The following SMOC2 variants were observed in gnomAD, a reference collection of about 807,000 sequenced individuals.
The protein encoded by SMOC2 is SPARC-related modular calcium-binding protein 2.
Under a neutral mutation model 61.4 loss-of-function variants are expected in SMOC2, and 39 were observed. That is an observed-to-expected ratio of 0.64 (90% CI 0.49 to 0.83). SMOC2 has a LOEUF of 0.83. Ranked by LOEUF, SMOC2 falls within the 40% of genes least tolerant of loss-of-function variation. The probability of loss-of-function intolerance (pLI) is 0.00; values close to 1 mark genes in which losing one functional copy is unlikely to be tolerated. For synonymous variants in SMOC2, 247 were observed against 239.9 expected (o/e 1.03, Z -0.27); for missense variants, 556 against 592.9 (o/e 0.94, Z 0.65).
chr6:168,567,908 A>G (rs1307511812), intron 7 of SMOC2, among the ~76,000 whole-genome samples: 1 of 151,502 alleles, frequency 6.6e-6, no homozygotes, highest in East Asian at 1.9e-4. Flanking sequence ...ACAGGCAAAG[A>G]CCGGATGGTG....
At chr6:168,637,917 C>G (rs904621810) in intron 9 of SMOC2, among the ~76,000 whole-genome samples, 41 of 102,168 alleles carry the variant, frequency 4.0e-4, no homozygotes, top group African/African-American at 1.1e-3. Context: ...GTATGCTGAG[C>G]TGGAGCTGGA....
At chr6:168,513,196 C>T (rs1263863789) in intron 2 of SMOC2, among the ~76,000 whole-genome samples, 1 of 152,138 alleles carries the variant, frequency 6.6e-6, no homozygotes, top group Non-Finnish European at 1.5e-5. Flanking sequence ...ATAGAATATA[C>T]CATTTAAAAT....
At chr6:168,487,225 C>G (rs1782357215) in intron 1 of SMOC2, among the ~76,000 whole-genome samples, 1 of 152,188 alleles carries the variant, frequency 6.6e-6, no homozygotes, top group African/African-American at 2.4e-5. Flanking sequence ...TCTACTTTCC[C>G]CTGTGTTCTG....
chr6:168,552,927 G>A (rs898959434), intron 7 of SMOC2, among the ~76,000 whole-genome samples: 10 of 150,542 alleles, frequency 6.6e-5, no homozygotes, highest in Non-Finnish European at 1.2e-4. Context: ...GGTGAGTGAC[G>A]GCACTTGAAA....
At chr6:168,511,607 CAT>C (rs944119068) in intron 2 of SMOC2, among the ~76,000 whole-genome samples, 12 of 152,128 alleles carry the variant, frequency 7.9e-5, no homozygotes, top group Admixed American at 1.3e-4. Flanking sequence ...CATTAAGAAA[CAT>C]GTGACTTTTC....
intron 2 of SMOC2, among the ~76,000 whole-genome samples, chr6:168,518,258 T>C (rs1281814965): frequency 1.3e-5 from 2 of 152,072 alleles, no homozygotes; most frequent in Non-Finnish European, 2.9e-5. Context: ...GGCATTTCCA[T>C]GAAGGAAATC....
Position 168,485,475 on chromosome 6 carries a change from A to G in SMOC2, c.85-24440A>G, listed in dbSNP as rs73272929. 9.2e-3 allele frequency among the ~76,000 whole-genome samples: 1,399 copies of G among 152,344 alleles called. 22 individuals carry two copies. The highest frequency in any genetic ancestry group is 0.032 in the African/African-American group (1,337 of 41,578). On this transcript the variant is annotated intron_variant, in intron 1 of 12. Coordinates refer to ENST00000356284, the MANE Select transcript of SMOC2 (RefSeq NM_001166412.2). Reference sequence around the variant, plus strand: ...GTAAAATGCAGCCTAGTCACACAACAGAATGTTATTTGACCATAAAAAGGA... The same window carrying G: ...GTAAAATGCAGCCTAGTCACACAACGGAATGTTATTTGACCATAAAAAGGA...
intron 1 of SMOC2, among the ~76,000 whole-genome samples, chr6:168,497,173 G>A (rs767031153): frequency 1.3e-5 from 2 of 152,224 alleles, no homozygotes; most frequent in African/African-American, 2.4e-5. Flanking sequence ...GGCAGGGCCC[G>A]GGCCCCAAGC....
chr6:168,583,495 A>C (rs541749289), intron 7 of SMOC2, among the ~76,000 whole-genome samples: 4 of 152,350 alleles, frequency 2.6e-5, no homozygotes, highest in Non-Finnish European at 5.9e-5. Flanking sequence ...TTTGCTTCTC[A>C]GGCATCTGCT....
intron 7 of SMOC2, among the ~76,000 whole-genome samples, chr6:168,569,307 A>G (rs926272011): frequency 2.0e-5 from 3 of 152,156 alleles, no homozygotes; most frequent in Non-Finnish European, 4.4e-5. Context: ...TCATATGCCT[A>G]TTTGGTATCT....
At chr6:168,486,997 T>C (rs946565731) in intron 1 of SMOC2, among the ~76,000 whole-genome samples, 6 of 152,138 alleles carry the variant, frequency 3.9e-5, no homozygotes, top group Admixed American at 3.9e-4. Flanking sequence ...AACCTTTTGG[T>C]GTAATGATGT....
chr6:168,639,734 G>T (rs1786843323), intron 9 of SMOC2, among the ~76,000 whole-genome samples: 1 of 141,038 alleles, frequency 7.1e-6, no homozygotes, highest in East Asian at 2.0e-4. Context: ...CGCCAGGCAG[G>T]TACCTGGGAT....
chr6:168,572,867 C>G lies in SMOC2; in HGVS notation c.637+23664C>G, dbSNP rs564994851. Among the ~76,000 whole-genome samples, 12 of 104,612 alleles carry G rather than the reference C, an allele frequency of 1.1e-4. 1 individual carries two copies. The East Asian group carries it at 3.8e-3, about 33-fold the overall frequency. The allele number at this position is 104,612 out of a possible 152,430, so 68.6% of individuals were successfully genotyped here. A position where few individuals can be genotyped will look rare whatever the true frequency, so the allele number is the denominator to read the frequency against. ...CGCGATGTTCATTTCCTGCCCGCAT[C>G]TCCGGGTGCTGGGACCAGGGCTGCG... On this transcript the variant is annotated intron_variant, in intron 7 of 12. Transcript: ENST00000356284.
intron 8 of SMOC2, among the ~76,000 whole-genome samples, chr6:168,601,136 A>G (rs1785543076): frequency 1.3e-5 from 2 of 152,264 alleles, no homozygotes; most frequent in African/African-American, 4.8e-5. Flanking sequence ...TTTGTCACCA[A>G]GTGTCACCAG....
In SMOC2 at chr6:168,441,294, C is replaced by T. The variant is rs1415759459; in HGVS notation, c.-77C>T. On this transcript the variant is annotated 5_prime_UTR_variant, in exon 1 of 13. Transcript: ENST00000356284. The stretch of plus-strand genomic sequence containing the variant: ...CTCCACGCGCCCGCCCAGCCGCGCT[C>T]GCCCACTGGGCTCTCCCGGCTGCAG... The T allele has an allele frequency of 2.1e-5, 30 of 1,437,112 alleles. No homozygotes were observed. The highest frequency in any genetic ancestry group is 2.5e-5 in the Non-Finnish European group (28 of 1,105,550). 89.0% of individuals were successfully genotyped at this position (1,437,112 alleles called of 1,614,324 possible). A position where few individuals can be genotyped will look rare whatever the true frequency, so the allele number is the denominator to read the frequency against.
At chr6:168,630,059 G>A (rs1405085134) in intron 9 of SMOC2, among the ~76,000 whole-genome samples, 1 of 152,126 alleles carries the variant, frequency 6.6e-6, no homozygotes, top group Non-Finnish European at 1.5e-5. Flanking sequence ...CTGTCGTGGG[G>A]CATCTGAAGA....
rs73258945 is a variant in SMOC2 at position 168,536,860 on chromosome 6, T to C, written c.464-6765T>C. 6.3e-3 allele frequency among the ~76,000 whole-genome samples: 967 copies of C among 152,302 alleles called. 17 individuals carry two copies. Among genetic ancestry groups the C allele is most frequent in the African/African-American group, 0.022 (904 of 41,566 alleles). On this transcript the variant is annotated intron_variant, in intron 4 of 12. Coordinates refer to ENST00000356284, the MANE Select transcript of SMOC2 (RefSeq NM_001166412.2). ...AGGGATGGGACCCGGTGAAGTCGGA[T>C]AGAGCAGAGGCATTCCCTGAGTTCT...
chr6:168,595,964 C>T (rs1238694099), intron 7 of SMOC2, among the ~76,000 whole-genome samples: 1 of 152,266 alleles, frequency 6.6e-6, no homozygotes, highest in Non-Finnish European at 1.5e-5. Flanking sequence ...AAATTCTGTG[C>T]ACTAATAAAA....
intron 9 of SMOC2, among the ~76,000 whole-genome samples, chr6:168,642,448 A>G (rs564816654): frequency 1.3e-5 from 2 of 152,354 alleles, no homozygotes; most frequent in Admixed American, 6.5e-5. Flanking sequence ...GAACTTAAAT[A>G]TATAAGGAGG....
Sources: allele counts gnomAD v4.1 joint callset (sites outside exome capture counted in the v4.1 genomes callset), GRCh38; gene constraint gnomAD v4.1.1; transcripts MANE v1.5; gene names NCBI Gene and HGNC (gene_info 2026-07-23, HGNC 2026-07-21).